The following NKTR variants were observed in gnomAD, a reference collection of about 807,000 sequenced individuals.
NKTR encodes the protein NK-tumor recognition protein.
NKTR carries 67 observed loss-of-function variants against 156.3 expected under a neutral mutation model. The ratio of observed to expected loss-of-function variants is 0.43; its 90% CI spans 0.35 to 0.53. The LOEUF is 0.53. Among genes scored for constraint, NKTR ranks in the 20% least tolerant of loss-of-function variants. NKTR has a pLI of 0.01. For missense variants in NKTR, 1,604 were observed against 1,730.9 expected (o/e 0.93, Z 1.30); for synonymous variants, 640 against 596.6 (o/e 1.07, Z -1.06).
intron 10 of NKTR, among the ~76,000 whole-genome samples, chr3:42,634,047 A>G (rs1709160198): frequency 6.6e-6 from 1 of 152,140 alleles, no homozygotes; most frequent in South Asian, 2.1e-4. Context: ...CTTTTATTAG[A>G]GGGGTGAGGT....
At chr3:42,643,158 T>G (rs1447747596) in intron 14 of NKTR, among the ~76,000 whole-genome samples, 181 bp from the exon 15 acceptor site, 1 of 152,256 alleles carries the variant, frequency 6.6e-6, no homozygotes, top group Non-Finnish European at 1.5e-5. Context: ...AAACTTGATC[T>G]TATGAAATCC....
rs372831091 is a variant in NKTR, at chr3:42,604,259, T to G, written c.58+3195T>G. On this transcript the variant is annotated intron_variant, in intron 2 of 16. Transcript: ENST00000232978. ...AGAACCAGATTTTGATCTGATTGAATTTTGTTTCTATTTTTGTTTTCAATT... is the reference window on the plus strand; with the variant it reads ...AGAACCAGATTTTGATCTGATTGAAGTTTGTTTCTATTTTTGTTTTCAATT... Among the ~76,000 whole-genome samples, 16 of 152,340 alleles carry G rather than the reference T, an allele frequency of 1.1e-4. No individual in the cohort carries two copies. The East Asian group carries it at 3.1e-3, about 29-fold the overall frequency.
At chr3:42,642,213 T>C (rs1238825831) in intron 13 of NKTR, among the ~76,000 whole-genome samples, 1 of 152,172 alleles carries the variant, frequency 6.6e-6, no homozygotes. Flanking sequence ...CTACCATTAG[T>C]GGAGATTTGG....
chr3:42,639,139 T>A lies in NKTR; in HGVS notation c.3435T>A (p.Thr1145=), dbSNP rs111619710. ...GTTCCCCAGCAAAAGTAGAGGAGAC[T>A]TCCCCTCTAGGAAATGCACGGCTTG... is the stretch of plus-strand genomic sequence containing the variant. ...DRSSPAKVEE[T]SPLGNARLDT... The change falls in exon 13 of 17, where the codon ACT becomes ACA. Residue 1145 remains threonine, a synonymous_variant. Transcript: ENST00000232978. 6.8e-6 allele frequency: 11 copies of A among 1,613,764 alleles called. No individual in the cohort carries two copies. The Admixed American group carries it at 1.2e-4, about 17-fold the overall frequency.
Position 42,637,808 on chromosome 3 carries a change from T to C in NKTR, c.2104T>C (p.Tyr702His). Residue 702 changes from tyrosine to histidine, a missense_variant, in exon 13 of 17, where the codon TAT becomes CAT. Coordinates refer to ENST00000232978, the MANE Select transcript of NKTR (RefSeq NM_005385.4). Reference sequence around the variant, plus strand: ...GAGCAGATCTTCTAGGAGTAGATCTTATTCCAGATCATATACAAGATCACG... The same window carrying C: ...GAGCAGATCTTCTAGGAGTAGATCTCATTCCAGATCATATACAAGATCACG... ...SRSRSSRSRS[Y>H]SRSYTRSRSL... 2.5e-6 allele frequency: 4 copies of C among 1,613,826 alleles called. No homozygotes were observed. Among genetic ancestry groups the C allele is most frequent in the Middle Eastern group, 1.6e-4 (1 of 6,062 alleles).
chr3:42,642,932 G>A (rs2125826191), intron 14 of NKTR, among the ~76,000 whole-genome samples: 1 of 152,324 alleles, frequency 6.6e-6, no homozygotes. Flanking sequence ...AGATTGTAGA[G>A]AGGGGACCAA....
In NKTR at chr3:42,641,403, T is replaced by C. The variant is rs55928320; in HGVS notation, c.4047-1098T>C. ...ATAATGTCACCTGTACACAGAGGTA[T>C]TGTTCTGTTCCTGAATGACAGGCCT... On this transcript the variant is annotated intron_variant, in intron 13 of 16. Coordinates refer to ENST00000232978, the MANE Select transcript of NKTR (RefSeq NM_005385.4). Among the ~76,000 whole-genome samples the C allele has an allele frequency of 9.3e-3, 1,416 of 152,236 alleles. 16 individuals carry two copies. The highest frequency in any genetic ancestry group is 0.032 in the African/African-American group (1,326 of 41,526).
intron 12 of NKTR, 95 bp from the exon 13 acceptor site, chr3:42,636,773 A>G: frequency 6.8e-7 from 1 of 1,469,708 alleles, no homozygotes; most frequent in Non-Finnish European, 9.0e-7. Flanking sequence ...TAAAGTGTTA[A>G]TGGGGTCAAG....
At position 42,601,503 on chromosome 3, in the gene NKTR, T is replaced by A. The variant is rs1343499835; in HGVS notation, c.58+439T>A. The A allele has an allele frequency of 1.2e-4, 18 of 152,918 alleles. No individual in the cohort carries two copies. The Admixed American group carries it at 1.2e-3, about 10-fold the overall frequency. The allele number at this position is 152,918 out of a possible 1,614,324, so 9.5% of individuals were successfully genotyped here. On this transcript the variant is annotated intron_variant, in intron 2 of 16. Transcript: ENST00000232978. The stretch of plus-strand genomic sequence containing the variant: ...TAATATGTTAATTTTGCCTCTATTT[T>A]TCCTTAAGAATCTTTAGCTAGAATT...
rs753718593 is a variant in NKTR, at chr3:42,639,352, G to T, written c.3648G>T (p.Lys1216Asn). The change falls in exon 13 of 17, where the codon AAG becomes AAT. Residue 1216 changes from lysine to asparagine, a missense_variant. Transcript: ENST00000232978. ...CCGGGAAGAAGGAGGTGGCTGAGAA[G>T]AGCCAGATCAACCTCATTGATAAGA... is the stretch of plus-strand genomic sequence containing the variant. ...ESTGKKEVAE[K>N]SQINLIDKKW... The T allele has an allele frequency of 1.9e-6, 3 of 1,614,126 alleles. No homozygotes were observed. In the South Asian group the frequency reaches 3.3e-5, roughly 18 times the overall value.
chr3:42,600,939 C>CGCCCTCGCCCCT (rs1238129925), intron 1 of NKTR, 45 bp from the exon 2 acceptor site: 51 of 1,254,826 alleles, frequency 4.1e-5, no homozygotes, highest in East Asian at 6.2e-5. Flanking sequence ...CCCTCGCCCC[C>CGCCCTCGCCCCT]GCCCTCGCCC....
chr3:42,619,430 A>T, intron 4 of NKTR: 1 of 1,342,400 alleles, frequency 7.4e-7, no homozygotes, highest in African/African-American at 1.5e-5. Flanking sequence ...TTTTGGTGTT[A>T]TTACTGTTTG....
rs541364501 is a variant in NKTR, at chr3:42,621,540, G to C, written c.374+24G>C. ...ATGTGAGTAGGCATAATTCAGAGATGAGCTTTTCTTAAACAGAGAAGCGCT... is the reference window on the plus strand; with the variant it reads ...ATGTGAGTAGGCATAATTCAGAGATCAGCTTTTCTTAAACAGAGAAGCGCT... On this transcript the variant is annotated intron_variant, in intron 6 of 16. Transcript: ENST00000232978. 1.9e-5 allele frequency: 31 copies of C among 1,600,686 alleles called. 1 individual carries two copies. The highest frequency in any genetic ancestry group is 3.3e-4 in the Middle Eastern group (2 of 6,018).
At chr3:42,601,162 C>CG in intron 2 of NKTR, 98 bp downstream of exon 2, 1 of 1,017,722 alleles carries the variant, frequency 9.8e-7, no homozygotes, top group South Asian at 1.7e-5. Flanking sequence ...TTTTTGGGAG[C>CG]GGGTAGGAGG....
chr3:42,606,063 TC>T (rs1190928467), intron 2 of NKTR, among the ~76,000 whole-genome samples: 5 of 152,096 alleles, frequency 3.3e-5, no homozygotes, highest in Non-Finnish European at 5.9e-5. Context: ...TTCTTGTTTG[TC>T]CTAACTGATT....
intron 13 of NKTR, among the ~76,000 whole-genome samples, chr3:42,640,805 C>T (rs1421320785): frequency 1.3e-5 from 2 of 152,242 alleles, no homozygotes; most frequent in Non-Finnish European, 2.9e-5. Context: ...CTTTCTCCCA[C>T]TCAGGCCATT....
intron 13 of NKTR, among the ~76,000 whole-genome samples, chr3:42,640,534 CA>C (rs1709795293): frequency 6.6e-6 from 1 of 152,006 alleles, no homozygotes; most frequent in Non-Finnish European, 1.5e-5. Flanking sequence ...CTGAAAATAC[CA>C]TAAGAATCTT....
chr3:42,619,847 C>G, intron 5 of NKTR, 139 bp downstream of exon 5: 1 of 1,457,192 alleles, frequency 6.9e-7, no homozygotes, highest in Non-Finnish European at 9.0e-7. Context: ...ACTTTATTTG[C>G]ATGAATTTGG....
chr3:42,626,065 A>G (rs1431109453), intron 6 of NKTR, among the ~76,000 whole-genome samples: 1 of 152,008 alleles, frequency 6.6e-6, no homozygotes, highest in African/African-American at 2.4e-5. Context: ...ACAGTGTGAT[A>G]GTTTCAGGAG....
Sources: allele counts gnomAD v4.1 joint callset (sites outside exome capture counted in the v4.1 genomes callset), GRCh38; gene constraint gnomAD v4.1.1; transcripts MANE v1.5; gene names NCBI Gene and HGNC (gene_info 2026-07-23, HGNC 2026-07-21).